NCAPG2: variants seen among roughly 807,000 people sequenced by gnomAD.
The protein encoded by NCAPG2 is non-SMC condensin II complex subunit G2.
Under a neutral mutation model 141.1 loss-of-function variants are expected in NCAPG2, and 53 were observed. The ratio of observed to expected loss-of-function variants is 0.38; its 90% CI spans 0.30 to 0.47. NCAPG2 has a LOEUF of 0.47. NCAPG2 is among the 20% of genes least tolerant of loss of function. The pLI, the probability that NCAPG2 is intolerant of heterozygous loss-of-function variation, is 0.99. For synonymous variants in NCAPG2, 499 were observed against 490.7 expected (o/e 1.02, Z -0.22); for missense variants, 1,087 against 1,389.0 (o/e 0.78, Z 3.46).
intron 2 of NCAPG2, among the ~76,000 whole-genome samples, chr7:158,700,103 T>C (rs1276598115): frequency 2.6e-5 from 4 of 152,240 alleles, no homozygotes; most frequent in Non-Finnish European, 4.4e-5. Flanking sequence ...ATCATTATTA[T>C]ATAAAATGGC....
At chr7:158,645,717 CCA>C (rs1325227335) in intron 25 of NCAPG2, 98 bp from the exon 26 acceptor site, 20 of 1,101,226 alleles carry the variant, frequency 1.8e-5, no homozygotes, top group South Asian at 1.1e-4. Context: ...ACCACAAACC[CCA>C]GTTTGCAGGG....
At chr7:158,691,690 A>C (rs10272390) in intron 4 of NCAPG2, among the ~76,000 whole-genome samples, 2,448 of 152,298 alleles carry the variant, frequency 0.016, 65 homozygotes, top group African/African-American at 0.056. Context: ...ACTTAGACTA[A>C]ATTAATAACT....
intron 13 of NCAPG2, chr7:158,668,435 C>CT: frequency 4.1e-6 from 4 of 983,398 alleles, no homozygotes; most frequent in Non-Finnish European, 4.8e-6. Flanking sequence ...AAGAGTTATT[C>CT]TTTTTTTATA....
rs759129677 is a variant in NCAPG2, at chr7:158,655,319, A to G, written c.2505+20T>C. The G allele has an allele frequency of 3.3e-5, 54 of 1,614,186 alleles. 1 individual carries two copies. The South Asian group carries it at 3.7e-4, about 11-fold the overall frequency. ...AGAGCACTGTGTATCATCCTAATAGAGGGCCAGGAGCAGGCACACCTTGTG... is the reference window on the plus strand; with the variant it reads ...AGAGCACTGTGTATCATCCTAATAGGGGGCCAGGAGCAGGCACACCTTGTG... On this transcript the variant is annotated intron_variant, in intron 20 of 27. Coordinates refer to ENST00000356309, the MANE Select transcript of NCAPG2 (RefSeq NM_017760.7).
Position 158,652,444 on chromosome 7 carries a change from A to G in NCAPG2, c.2783T>C (p.Ile928Thr), listed in dbSNP as rs770743307. ...GFFYVSLLLD[I>T]LKEITGSSLI... The stretch of plus-strand genomic sequence containing the variant: ...GGAACTTCCAGTTATCTCTTTCAGA[A>G]TGTCAAGAAGTAATGAAACATAAAA... Residue 928 changes from isoleucine (I) to threonine (T), a missense_variant, in exon 23 of 28, where the codon ATT becomes ACT. Physicochemically the swap from Ile to Thr is moderately conservative, Grantham distance 89. Coordinates refer to ENST00000356309, the MANE Select transcript of NCAPG2 (RefSeq NM_017760.7). The G allele has an allele frequency of 6.2e-7, 1 of 1,612,214 alleles. No homozygotes were observed. The highest frequency in any genetic ancestry group is 8.5e-7 in the Non-Finnish European group (1 of 1,179,246).
intron 13 of NCAPG2, among the ~76,000 whole-genome samples, chr7:158,668,822 T>C (rs1270336507): frequency 3.3e-5 from 5 of 152,070 alleles, no homozygotes; most frequent in African/African-American, 1.2e-4. Flanking sequence ...GTTAAATTGG[T>C]AGACATGTGC....
At chr7:158,677,912 G>A (rs1417024752) in intron 11 of NCAPG2, among the ~76,000 whole-genome samples, 1 of 152,054 alleles carries the variant, frequency 6.6e-6, no homozygotes, top group African/African-American at 2.4e-5. Flanking sequence ...CCAGCCTCAA[G>A]TGATCCTCCC....
At chr7:158,655,793 G>T (rs1587127387) in intron 19 of NCAPG2, among the ~76,000 whole-genome samples, 1 of 1,502 alleles carries the variant, frequency 6.7e-4, no homozygotes, top group Non-Finnish European at 1.5e-3. Flanking sequence ...ACACTTGAGG[G>T]CAGCGTAACA....
chr7:158,660,499 A>G (rs1439352694), intron 16 of NCAPG2, among the ~76,000 whole-genome samples: 1 of 140,698 alleles, frequency 7.1e-6, no homozygotes, highest in African/African-American at 2.7e-5. Context: ...AGTTCACTGT[A>G]GTCTCAAACT....
At chr7:158,660,807 T>C (rs899889882) in intron 16 of NCAPG2, among the ~76,000 whole-genome samples, 5 of 152,140 alleles carry the variant, frequency 3.3e-5, no homozygotes, top group African/African-American at 1.2e-4. Context: ...TTCCCACGTG[T>C]TACGGGAGGG....
chr7:158,693,503 A>G lies in NCAPG2; in HGVS notation c.79-6T>C. ...AAAGGATCAGAGGCCTCTTTCTGTA[A>G]CATAAATAGCAAGTGTCACATTTCA... is the stretch of plus-strand genomic sequence containing the variant. On this transcript the variant is annotated splice_polypyrimidine_tract_variant and splice_region_variant and intron_variant, in intron 2 of 27. Transcript: ENST00000356309. 6.3e-7 allele frequency: 1 copy of G among 1,599,054 alleles called. No homozygotes were observed. Among genetic ancestry groups the G allele is most frequent in the Non-Finnish European group, 8.5e-7 (1 of 1,171,998 alleles).
At chr7:158,654,532 AGGAG>A (rs576090613) in intron 22 of NCAPG2, 59 bp downstream of exon 22, 20 of 1,488,254 alleles carry the variant, frequency 1.3e-5, no homozygotes, top group South Asian at 3.6e-5. Context: ...TACACAGTAA[AGGAG>A]GGAGGGAGGG....
chr7:158,674,397 C>T (rs1227883750), intron 12 of NCAPG2, among the ~76,000 whole-genome samples: 1 of 152,084 alleles, frequency 6.6e-6, no homozygotes, highest in Non-Finnish European at 1.5e-5. Flanking sequence ...AGCCATCCTC[C>T]CACCTCTGCC....
At chr7:158,683,259 G>C in intron 9 of NCAPG2, 41 bp downstream of exon 9, 2 of 1,388,788 alleles carry the variant, frequency 1.4e-6, no homozygotes, top group Non-Finnish European at 1.9e-6. Context: ...AAACAAAACA[G>C]AGGAAACATT....
intron 16 of NCAPG2, among the ~76,000 whole-genome samples, chr7:158,660,397 CTTTCT>C (rs1446835379): frequency 2.5e-4 from 28 of 111,260 alleles, no homozygotes; most frequent in East Asian, 1.4e-3. Context: ...ATTATTTCAG[CTTTCT>C]TTTTTTTTTT....
intron 22 of NCAPG2, among the ~76,000 whole-genome samples, chr7:158,652,690 T>C (rs1563511613): frequency 6.6e-6 from 1 of 152,238 alleles, no homozygotes; most frequent in Non-Finnish European, 1.5e-5. Context: ...TTGTCCCATT[T>C]AAGTTAAAAC....
At chr7:158,643,271 G>A in intron 27 of NCAPG2, among the ~76,000 whole-genome samples, 1 of 152,112 alleles carries the variant, frequency 6.6e-6, no homozygotes, top group Non-Finnish European at 1.5e-5. Context: ...AGTAGAGACA[G>A]GGTTTTACCA....
intron 27 of NCAPG2, among the ~76,000 whole-genome samples, chr7:158,643,154 G>C (rs1443086334): frequency 1.3e-5 from 2 of 152,092 alleles, no homozygotes; most frequent in African/African-American, 4.8e-5. Flanking sequence ...AATAGAGACA[G>C]GATTTCACCA....
rs1835056726 is a variant in NCAPG2 at position 158,690,596 on chromosome 7, A to G, written c.509T>C (p.Leu170Ser). 3 of 1,614,068 alleles carry G rather than the reference A, an allele frequency of 1.9e-6. No homozygotes were observed. The highest frequency in any genetic ancestry group is 2.5e-6 in the Non-Finnish European group (3 of 1,180,020). Residue 170 changes from leucine to serine, a missense_variant, in exon 5 of 28, where the codon TTA (leucine) becomes TCA (serine). By Grantham distance (145) the Leu-to-Ser change is moderately radical. Coordinates refer to ENST00000356309, the MANE Select transcript of NCAPG2 (RefSeq NM_017760.7). ...EDTGKTAFVM[L>S]LRRSLETKTG... Reference sequence around the variant, plus strand: ...CTTAGTCTCCAGACTCCTCCTTAGTAACATGACAAAGGCTGTCTTTCCTGT... The same window carrying G: ...CTTAGTCTCCAGACTCCTCCTTAGTGACATGACAAAGGCTGTCTTTCCTGT...
Sources: gnomAD v4.1 joint callset for allele counts (sites outside exome capture counted in the v4.1 genomes callset) on GRCh38, gnomAD v4.1.1 for gene constraint, MANE v1.5 for transcripts, NCBI Gene and HGNC (gene_info 2026-07-23, HGNC 2026-07-21) for gene names.